The following KCNK10 variants were observed in gnomAD, a reference collection of about 807,000 sequenced individuals.
The protein encoded by KCNK10 is potassium two pore domain channel subfamily K member 10.
KCNK10 carries 25 observed loss-of-function variants against 47.7 expected under a neutral mutation model. The ratio of observed to expected loss-of-function variants is 0.52; its 90% CI spans 0.38 to 0.73. The LOEUF (loss-of-function observed/expected upper bound fraction) is 0.73, where lower values mean the gene tolerates loss of function less well. Among genes scored for constraint, KCNK10 ranks in the 30% least tolerant of loss-of-function variants. The pLI is 0.00. For missense variants in KCNK10, 563 were observed against 714.5 expected (o/e 0.79, Z 2.42); for synonymous variants, 303 against 285.6 (o/e 1.06, Z -0.61).
At chr14:88,309,015 G>C (rs1158127150) in intron 1 of KCNK10, among the ~76,000 whole-genome samples, 2 of 152,240 alleles carry the variant, frequency 1.3e-5, no homozygotes, top group Non-Finnish European at 2.9e-5. Flanking sequence ...CTGAGTGTGA[G>C]AGATGCTAAG....
chr14:88,273,845 C>T (rs1256366175), intron 1 of KCNK10, among the ~76,000 whole-genome samples: 2 of 152,154 alleles, frequency 1.3e-5, no homozygotes, highest in African/African-American at 2.4e-5. Context: ...AATTAACTAG[C>T]GCACTTTATA....
At chr14:88,240,663 T>C (rs1248510286) in intron 3 of KCNK10, 40 bp downstream of exon 3, 2 of 1,310,518 alleles carry the variant, frequency 1.5e-6, no homozygotes, top group South Asian at 2.4e-5. Context: ...TTACTCAAGA[T>C]GACCTGCAGA....
At chr14:88,276,357 A>T (rs1284746003) in intron 1 of KCNK10, among the ~76,000 whole-genome samples, 1 of 151,882 alleles carries the variant, frequency 6.6e-6, no homozygotes, top group Non-Finnish European at 1.5e-5. Flanking sequence ...CCAGACACTG[A>T]ATCTGCCTTG....
At chr14:88,251,093 C>T (rs544592609) in intron 2 of KCNK10, among the ~76,000 whole-genome samples, 23 of 151,050 alleles carry the variant, frequency 1.5e-4, no homozygotes, top group African/African-American at 5.1e-4. Context: ...ATTAGCTGGG[C>T]GTGGTGGTGC....
In KCNK10 at chr14:88,185,897, G is replaced by A; in HGVS notation, c.1270C>T (p.Arg424Trp). Residue 424 changes from arginine to tryptophan, a missense_variant, in exon 7 of 7, where the codon CGG becomes TGG. Transcript: ENST00000319231. The surrounding 1 kb of genome is among the most constrained non-coding windows in gnomAD (Gnocchi z 4.3). ...KASSQESINN[R>W]PNNLRLKGPE... ...CCCTTCAGGCGCAGGTTGTTGGGCC[G>A]GTTGTTGATGCTCTCCTGGGATGAG... 3.1e-6 allele frequency: 5 copies of A among 1,614,074 alleles called. No individual in the cohort carries two copies. The highest frequency in any genetic ancestry group is 4.2e-6 in the Non-Finnish European group (5 of 1,180,012).
Position 88,185,839 on chromosome 14 carries a change from G to C in KCNK10, c.1328C>G (p.Ala443Gly). The C allele has an allele frequency of 6.2e-7, 1 of 1,614,116 alleles. No individual in the cohort carries two copies. The highest frequency in any genetic ancestry group is 1.1e-5 in the South Asian group (1 of 91,072). ...CTTGTTGATGATGTTGTCCTCGGAC[G>C]CACCCTGCCCATGCTTGTTCAGCTG... ...PEQLNKHGQG[A>G]SEDNIINKFG... is the part of the protein sequence containing the mutation. The change falls in exon 7 of 7, where the codon GCG (alanine) becomes GGG (glycine). Residue 443 changes from alanine to glycine, a missense_variant. Ala to Gly is a moderately conservative substitution (Grantham distance 60). Transcript: ENST00000319231. The surrounding 1 kb of genome is among the most constrained non-coding windows in gnomAD (Gnocchi z 4.3).
At chr14:88,218,217 G>T (rs1324422007) in intron 4 of KCNK10, among the ~76,000 whole-genome samples, 1 of 152,174 alleles carries the variant, frequency 6.6e-6, no homozygotes, top group Non-Finnish European at 1.5e-5. Context: ...GCTCAAAGAT[G>T]CCTTGGGAGA....
At chr14:88,197,738 T>C (rs1468034172) in intron 4 of KCNK10, among the ~76,000 whole-genome samples, 1 of 151,826 alleles carries the variant, frequency 6.6e-6, no homozygotes, top group African/African-American at 2.4e-5. Context: ...ATTTAATTCA[T>C]TCTGCACATA....
chr14:88,232,577 T>C (rs977848473), intron 3 of KCNK10, among the ~76,000 whole-genome samples: 1 of 152,212 alleles, frequency 6.6e-6, no homozygotes. Context: ...TCTATAAAGA[T>C]CCTCCACTCT....
chr14:88,293,637 A>G (rs1887924175), intron 1 of KCNK10, among the ~76,000 whole-genome samples: 1 of 151,748 alleles, frequency 6.6e-6, no homozygotes, highest in African/African-American at 2.4e-5. Flanking sequence ...CCTCCAAACT[A>G]GCATACCCAC....
chr14:88,276,917 A>C (rs1244861327), intron 1 of KCNK10, among the ~76,000 whole-genome samples: 2 of 152,274 alleles, frequency 1.3e-5, no homozygotes, highest in Non-Finnish European at 2.9e-5. Context: ...TCATATACAG[A>C]AATCCTACTC....
rs113179747 is a variant in KCNK10, at chr14:88,185,088, C to T, written c.*447G>A. ...GCACATGCCAAAATGTCAACTCCAA[C>T]GCTAGTTACACATAACCAGCTCCCA... On this transcript the variant is annotated 3_prime_UTR_variant, in exon 7 of 7. Transcript: ENST00000319231. The surrounding 1 kb of genome is among the most constrained non-coding windows in gnomAD (Gnocchi z 4.3). 2.6e-3 allele frequency: 432 copies of T among 165,476 alleles called. 4 individuals carry two copies. Among genetic ancestry groups the T allele is most frequent in the African/African-American group, 9.3e-3 (388 of 41,728 alleles). 10.3% of individuals were successfully genotyped at this position (165,476 alleles called of 1,614,324 possible). A position where few individuals can be genotyped will look rare whatever the true frequency, so the allele number is the denominator to read the frequency against.
At chr14:88,191,926 T>G (rs1884760198) in intron 5 of KCNK10, among the ~76,000 whole-genome samples, 3 of 152,188 alleles carry the variant, frequency 2.0e-5, no homozygotes, top group African/African-American at 7.2e-5. Flanking sequence ...TTAATTCAAT[T>G]CAGAAGTTCA....
chr14:88,246,954 A>G (rs1886661169), intron 2 of KCNK10, among the ~76,000 whole-genome samples: 1 of 152,202 alleles, frequency 6.6e-6, no homozygotes, highest in Admixed American at 6.5e-5. Context: ...CACTTCCTAG[A>G]GTACAGATTA....
chr14:88,202,136 T>A (rs553304906), intron 4 of KCNK10, among the ~76,000 whole-genome samples: 17 of 152,308 alleles, frequency 1.1e-4, no homozygotes, highest in African/African-American at 4.1e-4. Context: ...GGCCTCCTGA[T>A]GTTCACCCCA....
chr14:88,197,862 GAGAGA>G (rs1884971841), intron 4 of KCNK10, among the ~76,000 whole-genome samples: 1 of 48,258 alleles, frequency 2.1e-5, no homozygotes, highest in African/African-American at 8.0e-5. Flanking sequence ...AGGGAAGGGA[GAGAGA>G]GAGAGAGAGA....
At chr14:88,326,619 C>T (rs562624225), upstream of KCNK10, 1 of 606,886 alleles carries the variant, frequency 1.6e-6, no homozygotes, top group African/African-American at 1.9e-5. Flanking sequence ...ACTCGCCGGC[C>T]CCCAGCAGGA....
chr14:88,271,864 C>T (rs1032447678), intron 1 of KCNK10, among the ~76,000 whole-genome samples: 11 of 151,632 alleles, frequency 7.3e-5, no homozygotes, highest in Admixed American at 7.2e-4. Flanking sequence ...GACTTGTAAG[C>T]TCGACAGTTT....
rs1888291981 is a variant in KCNK10 at position 88,310,205 on chromosome 14, G to GATATATCATATGATATGGTATATC, written c.52+12541_52+12542insGATATACCATATCATATGATATAT. Among the ~76,000 whole-genome samples the GATATATCATATGATATGGTATATC allele has an allele frequency of 4.7e-5, 2 of 42,338 alleles. 1 individual carries two copies. The highest frequency in any genetic ancestry group is 1.2e-4 in the Non-Finnish European group (2 of 16,382). The allele number at this position is 42,338 out of a possible 152,430, so 27.8% of individuals were successfully genotyped here. A position where few individuals can be genotyped will look rare whatever the true frequency, so the allele number is the denominator to read the frequency against. ...TGATATACCATATCATATGGTATAT[G>GATATATCATATGATATGGTATATC]ATATACCATATCATATGGTATATGA... On this transcript the variant is annotated intron_variant, in intron 1 of 6. Coordinates refer to ENST00000319231, the MANE Select transcript of KCNK10 (RefSeq NM_138317.3).
Sources: gnomAD v4.1 joint callset for allele counts (sites outside exome capture counted in the v4.1 genomes callset) on GRCh38, gnomAD v4.1.1 for gene constraint, Gnocchi (gnomAD v3.1) non-coding constraint, MANE v1.5 for transcripts, NCBI Gene and HGNC (gene_info 2026-07-23, HGNC 2026-07-21) for gene names.